UGGT2: variants seen among roughly 807,000 people sequenced by gnomAD.
UGGT2 encodes the protein UDP-glucose:glycoprotein glucosyltransferase 2.
A neutral mutation model predicts 192.1 loss-of-function variants in UGGT2; 180 were observed. The observed-to-expected ratio is 0.94, with a 90% CI of 0.83 to 1.06. UGGT2 has a LOEUF of 1.06. Among genes scored for constraint, UGGT2 ranks in the 50% least tolerant of loss-of-function variants. The pLI is 0.00. For missense variants in UGGT2, 1,849 were observed against 1,795.7 expected (o/e 1.03, Z -0.54); for synonymous variants, 580 against 591.0 (o/e 0.98, Z 0.27).
chr13:96,004,748 AT>A (rs2051919020), intron 5 of UGGT2, among the ~76,000 whole-genome samples: 1 of 151,690 alleles, frequency 6.6e-6, no homozygotes, highest in Non-Finnish European at 1.5e-5. Context: ...AACCAAAAAA[AT>A]AATTTATTGT....
intron 37 of UGGT2, 22 bp downstream of exon 37, chr13:95,837,064 A>G (rs1189548621): frequency 6.5e-7 from 1 of 1,530,806 alleles, no homozygotes; most frequent in Admixed American, 1.7e-5. Flanking sequence ...GCTTACATAC[A>G]AATGAAAACA....
intron 5 of UGGT2, among the ~76,000 whole-genome samples, chr13:96,009,162 CCTT>C (rs1447590330): frequency 6.6e-6 from 1 of 152,136 alleles, no homozygotes; most frequent in African/African-American, 2.4e-5. Context: ...AAACTGGACT[CCTT>C]CATTATGCCA....
At chr13:95,871,566 T>C (rs1891223702) in intron 29 of UGGT2, among the ~76,000 whole-genome samples, 1 of 152,154 alleles carries the variant, frequency 6.6e-6, no homozygotes, top group African/African-American at 2.4e-5. Context: ...AAGTTAGAAG[T>C]GTACATGGAG....
intron 1 of UGGT2, among the ~76,000 whole-genome samples, chr13:96,042,804 A>G (rs2053203398): frequency 6.6e-6 from 1 of 152,090 alleles, no homozygotes; most frequent in African/African-American, 2.4e-5. Context: ...ACCCAATACA[A>G]CAAAGACAAA....
chr13:96,013,289 G>C lies in UGGT2; in HGVS notation c.660+18C>G, dbSNP rs772525472. ...TTTTCTACAGCCAAAAGCAACCTTG[G>C]AAAAAACAAGCGCATACCTGAATAT... On this transcript the variant is annotated intron_variant, in intron 5 of 38. Transcript: ENST00000376747. 6.5e-6 allele frequency: 10 copies of C among 1,532,092 alleles called. No homozygotes were observed. The Admixed American group carries it at 2.5e-4, about 38-fold the overall frequency. 94.9% of individuals were successfully genotyped at this position (1,532,092 alleles called of 1,614,324 possible). A position where few individuals can be genotyped will look rare whatever the true frequency, so the allele number is the denominator to read the frequency against.
intron 10 of UGGT2, 47 bp from the exon 11 acceptor site, chr13:95,972,718 G>T: frequency 7.0e-7 from 1 of 1,423,442 alleles, no homozygotes; most frequent in South Asian, 1.2e-5. Context: ...GAACAATAGT[G>T]ACCTATATTA....
At chr13:95,832,457 C>T (rs1443165074) in intron 38 of UGGT2, among the ~76,000 whole-genome samples, 1 of 152,052 alleles carries the variant, frequency 6.6e-6, no homozygotes, top group South Asian at 2.1e-4. Flanking sequence ...CCAAGTCATT[C>T]TCCAGCCCAT....
intron 17 of UGGT2, among the ~76,000 whole-genome samples, chr13:95,930,945 T>C (rs951541684): frequency 6.6e-6 from 1 of 152,048 alleles, no homozygotes; most frequent in Non-Finnish European, 1.5e-5. Context: ...GCAGAAAGAT[T>C]TACTGCAAAG....
chr13:95,933,961 G>A (rs1461122294), intron 17 of UGGT2, among the ~76,000 whole-genome samples: 1 of 152,196 alleles, frequency 6.6e-6, no homozygotes, highest in East Asian at 1.9e-4. Flanking sequence ...TGGGATTACA[G>A]GCGTGAGCCA....
At chr13:95,843,678 T>C (rs1047082539) in intron 36 of UGGT2, among the ~76,000 whole-genome samples, 1 of 152,110 alleles carries the variant, frequency 6.6e-6, no homozygotes, top group African/African-American at 2.4e-5. Context: ...GGGTTTTTTT[T>C]TGGCATAAGG....
At chr13:96,013,063 T>G (rs1258165167) in intron 5 of UGGT2, among the ~76,000 whole-genome samples, 1 of 152,076 alleles carries the variant, frequency 6.6e-6, no homozygotes, top group Non-Finnish European at 1.5e-5. Flanking sequence ...TATTGAAGTA[T>G]GTTTTTGTTT....
intron 34 of UGGT2, among the ~76,000 whole-genome samples, chr13:95,854,987 A>G (rs994449888): frequency 6.6e-6 from 1 of 151,872 alleles, no homozygotes; most frequent in African/African-American, 2.4e-5. Context: ...TAGTGCACAC[A>G]TTGAAAGAAA....
chr13:95,927,588 T>C (rs2049066713), intron 17 of UGGT2, among the ~76,000 whole-genome samples: 1 of 152,166 alleles, frequency 6.6e-6, no homozygotes, highest in Non-Finnish European at 1.5e-5. Context: ...TGAGCACCTA[T>C]TGTGAGCAGG....
chr13:95,919,261 T>C (rs1427757192), intron 20 of UGGT2, among the ~76,000 whole-genome samples: 1 of 152,090 alleles, frequency 6.6e-6, no homozygotes, highest in East Asian at 1.9e-4. Context: ...GCCAATATCA[T>C]ACTGAATGGG....
At chr13:95,998,232 A>G (rs937736252) in intron 6 of UGGT2, among the ~76,000 whole-genome samples, 3 of 152,196 alleles carry the variant, frequency 2.0e-5, no homozygotes, top group Non-Finnish European at 2.9e-5. Context: ...AATAATACAG[A>G]TGATACATAT....
Position 95,972,590 on chromosome 13 carries a change from C to A in UGGT2, c.1174G>T (p.Asp392Tyr). The change falls in exon 11 of 39, where the codon GAC becomes TAC. Residue 392 changes from aspartate to tyrosine, a missense_variant. Physicochemically the swap from Asp to Tyr is radical, Grantham distance 160 (BLOSUM62 -3). Coordinates refer to ENST00000376747, the MANE Select transcript of UGGT2 (RefSeq NM_020121.4). ...NGLRVDMDVYDAFSILDMLKL... is the reference protein window; with the variant it reads ...NGLRVDMDVYYAFSILDMLKL... ...TAATTTAATACTTACCTAAAAGCGT[C>A]ATAAACATCCATATCAACACGAAGG... 6.2e-7 allele frequency: 1 copy of A among 1,611,930 alleles called. No individual in the cohort carries two copies.
chr13:96,005,607 A>G (rs1260552719), intron 5 of UGGT2, among the ~76,000 whole-genome samples: 1 of 152,322 alleles, frequency 6.6e-6, no homozygotes, highest in East Asian at 1.9e-4. Context: ...AACAGATGAA[A>G]GTCTTAGTCT....
intron 30 of UGGT2, among the ~76,000 whole-genome samples, chr13:95,865,138 G>C (rs1353807990): frequency 6.6e-6 from 1 of 152,038 alleles, no homozygotes; most frequent in East Asian, 1.9e-4. Context: ...GTAATTTGTG[G>C]ACTCTTTTGA....
chr13:95,997,567 C>A (rs1055738654), intron 6 of UGGT2, among the ~76,000 whole-genome samples: 12 of 152,082 alleles, frequency 7.9e-5, no homozygotes, highest in African/African-American at 2.9e-4. Flanking sequence ...TGCTTCAATC[C>A]GGGAGGCAGA....
Sources: allele counts gnomAD v4.1 joint callset (sites outside exome capture counted in the v4.1 genomes callset), GRCh38; gene constraint gnomAD v4.1.1; transcripts MANE v1.5; gene names NCBI Gene and HGNC (gene_info 2026-07-23, HGNC 2026-07-21).